Variants in USP48 observed in about 807,000 individuals in gnomAD.
USP48 encodes ubiquitin carboxyl-terminal hydrolase 48.
A neutral mutation model predicts 150.7 loss-of-function variants in USP48; 43 were observed. The ratio of observed to expected loss-of-function variants is 0.29; its 90% CI spans 0.22 to 0.37. The LOEUF is 0.37. Among genes scored for constraint, USP48 ranks in the 10% least tolerant of loss-of-function variants. The pLI, the probability that USP48 is intolerant of heterozygous loss-of-function variation, is 1.00. For synonymous variants in USP48, 396 were observed against 425.9 expected (o/e 0.93, Z 0.86); for missense variants, 813 against 1,249.6 (o/e 0.65, Z 5.27).
chr1:21,735,821 G>C (rs1194129566), intron 9 of USP48, among the ~76,000 whole-genome samples: 1 of 149,228 alleles, frequency 6.7e-6, no homozygotes, highest in East Asian at 2.0e-4. Flanking sequence ...TTGAAAGGTA[G>C]AGTTTACAGT....
At chr1:21,689,756 A>G (rs1056769343) in intron 24 of USP48, among the ~76,000 whole-genome samples, 6 of 152,152 alleles carry the variant, frequency 3.9e-5, no homozygotes, top group African/African-American at 9.7e-5. Context: ...ATCACCTACT[A>G]TAACACACAA....
chr1:21,736,257 G>T (rs1011973365), intron 9 of USP48, among the ~76,000 whole-genome samples, 189 bp downstream of exon 9: 5 of 152,168 alleles, frequency 3.3e-5, no homozygotes, highest in African/African-American at 1.2e-4. Flanking sequence ...GGGCAAGAGA[G>T]TAAGAACCGG....
chr1:21,697,388 G>C (rs981013670), intron 22 of USP48, among the ~76,000 whole-genome samples: 5 of 151,720 alleles, frequency 3.3e-5, no homozygotes, highest in Non-Finnish European at 7.4e-5. Flanking sequence ...GTCAGGCCAG[G>C]CGTGGTGGCT....
At chr1:21,752,100 T>C (rs2097817271) in intron 5 of USP48, among the ~76,000 whole-genome samples, 1 of 151,958 alleles carries the variant, frequency 6.6e-6, no homozygotes, top group African/African-American at 2.4e-5. Context: ...TTAAAATAAA[T>C]GTTAAGAGGT....
chr1:21,717,458 C>CAAA (rs2097707757), intron 14 of USP48, among the ~76,000 whole-genome samples: 3 of 151,184 alleles, frequency 2.0e-5, no homozygotes, highest in South Asian at 2.1e-4. Context: ...ACCCAACCAA[C>CAAA]CAAACAAACA....
intron 9 of USP48, among the ~76,000 whole-genome samples, chr1:21,730,908 G>A (rs1038562653): frequency 3.3e-5 from 5 of 151,568 alleles, no homozygotes; most frequent in African/African-American, 9.7e-5. Flanking sequence ...TTACAGGCAC[G>A]TGTCACCACA....
intron 15 of USP48, among the ~76,000 whole-genome samples, chr1:21,714,222 G>T (rs2097698170): frequency 6.6e-6 from 1 of 152,120 alleles, no homozygotes; most frequent in African/African-American, 2.4e-5. Flanking sequence ...ATGAACATGG[G>T]TTAACAAAAT....
In USP48 at chr1:21,692,011, T is replaced by G. The variant is rs2097602885; in HGVS notation, c.2884-1912A>C. Reference sequence around the variant, plus strand: ...CGAGCCTCACAAATCAACCTTGAACTGTGTGTGTAACAGGGCCCAAGAGCT... The same window carrying G: ...CGAGCCTCACAAATCAACCTTGAACGGTGTGTGTAACAGGGCCCAAGAGCT... On this transcript the variant is annotated intron_variant, in intron 23 of 26. Transcript: ENST00000308271. Among the ~76,000 whole-genome samples the G allele has an allele frequency of 2.6e-5, 4 of 152,254 alleles. No individual in the cohort carries two copies. The South Asian group carries it at 8.3e-4, about 32-fold the overall frequency.
chr1:21,775,632 C>T (rs1372440936), intron 1 of USP48, among the ~76,000 whole-genome samples: 1 of 152,206 alleles, frequency 6.6e-6, no homozygotes, highest in Admixed American at 6.5e-5. Flanking sequence ...GAGTGCTTCA[C>T]ACATTTCTGT....
At chr1:21,722,947 A>G (rs982941061) in intron 12 of USP48, among the ~76,000 whole-genome samples, 7 of 152,204 alleles carry the variant, frequency 4.6e-5, no homozygotes, top group Admixed American at 2.0e-4. Context: ...TAAGTTGTAT[A>G]CCATTAGAAA....
chr1:21,689,985 T>C lies in USP48; in HGVS notation c.2998A>G (p.Ile1000Val). 1 of 1,613,908 alleles carries C rather than the reference T, an allele frequency of 6.2e-7. No individual in the cohort carries two copies. Among genetic ancestry groups the C allele is most frequent in the South Asian group, 1.1e-5 (1 of 91,070 alleles). Reference protein sequence around the residue: ...GTLGVIPESVILLKADEPIAD... With the variant: ...GTLGVIPESVVLLKADEPIAD... ...AGCTGTTTACTTACCTTCAATAAAA[T>C]GACAGATTCAGGAATGACGCCAAGG... is the stretch of plus-strand genomic sequence containing the variant. The change falls in exon 24 of 27, where the codon ATT (isoleucine) becomes GTT (valine). Residue 1000 changes from isoleucine to valine, a missense_variant. Physicochemically the swap from Ile to Val is conservative, Grantham distance 29. Transcript: ENST00000308271.
intron 15 of USP48, among the ~76,000 whole-genome samples, chr1:21,708,027 T>C (rs1178862818): frequency 6.6e-6 from 1 of 150,904 alleles, no homozygotes. Context: ...CCAGGTATGG[T>C]GGTGCTTGCC....
At position 21,711,788 on chromosome 1, in the gene USP48, C is replaced by A. The variant is rs74681603; in HGVS notation, c.1963+3601G>T. 6.8e-3 allele frequency among the ~76,000 whole-genome samples: 1,031 copies of A among 152,206 alleles called. 7 individuals are homozygous for A. The highest frequency in any genetic ancestry group is 0.023 in the African/African-American group (939 of 41,534). The stretch of plus-strand genomic sequence containing the variant: ...AAATGAACCCGTACAACATTGGGGA[C>A]AAAGATCTTACAAGCCTACCAGAAA... On this transcript the variant is annotated intron_variant, in intron 15 of 26. Transcript: ENST00000308271.
intron 23 of USP48, among the ~76,000 whole-genome samples, chr1:21,693,132 C>CTTTT (rs1231503960): frequency 6.6e-6 from 1 of 152,146 alleles, no homozygotes; most frequent in Non-Finnish European, 1.5e-5. Flanking sequence ...AAATATTCTA[C>CTTTT]TTTCTCAGGC....
intron 2 of USP48, chr1:21,757,329 A>T (rs956506224): frequency 4.0e-5 from 7 of 177,024 alleles, no homozygotes; most frequent in Non-Finnish European, 7.0e-5. Flanking sequence ...GCAAAGTGCT[A>T]TCATCATGAG....
At chr1:21,766,466 G>C (rs1486808363) in intron 1 of USP48, among the ~76,000 whole-genome samples, 1 of 152,104 alleles carries the variant, frequency 6.6e-6, no homozygotes, top group Non-Finnish European at 1.5e-5. Context: ...ATAATATATT[G>C]ACTATAGGTA....
Position 21,756,542 on chromosome 1 carries a change from C to G in USP48, c.412+4G>C. 6.3e-7 allele frequency: 1 copy of G among 1,577,162 alleles called. No homozygotes were observed. The highest frequency in any genetic ancestry group is 8.6e-7 in the Non-Finnish European group (1 of 1,168,778). ...AGAGCTCTCCCCCACCCCTTTCCAC[C>G]CACCTTTTTCTTCTTGGATGCCGTC... On this transcript the variant is annotated splice_donor_region_variant and intron_variant, in intron 3 of 26. Transcript: ENST00000308271.
At position 21,724,040 on chromosome 1, in the gene USP48, T is replaced by C. The variant is rs764769615; in HGVS notation, c.1506A>G (p.Thr502=). 9 of 1,614,178 alleles carry C rather than the reference T, an allele frequency of 5.6e-6. No homozygotes were observed. The South Asian group carries it at 9.9e-5, about 18-fold the overall frequency. Residue 502 remains threonine, a synonymous_variant, in exon 12 of 27, where the codon ACA becomes ACG. Transcript: ENST00000308271. ...EWLQKWLDES[T]PTKPIDNHAC... ...CGTGATTATCAATAGGTTTGGTAGG[T>C]GTTGATTCATCCAACCACTTTTGCA...
chr1:21,682,222 C>T (rs934876958), intron 25 of USP48, among the ~76,000 whole-genome samples: 26 of 152,206 alleles, frequency 1.7e-4, no homozygotes, highest in Non-Finnish European at 1.3e-4. Context: ...TTGGAACTTG[C>T]TTTCCCTCAG....
Sources: allele counts gnomAD v4.1 joint callset (sites outside exome capture counted in the v4.1 genomes callset), GRCh38; gene constraint gnomAD v4.1.1; transcripts MANE v1.5; gene names NCBI Gene and HGNC (gene_info 2026-07-23, HGNC 2026-07-21).